The following NOMO3 variants were observed in gnomAD, a reference collection of about 807,000 sequenced individuals.
NOMO3 encodes the protein BOS complex subunit NOMO3.
NOMO3 carries 15 observed loss-of-function variants against 69.9 expected under a neutral mutation model. The ratio of observed to expected loss-of-function variants is 0.21; its 90% CI spans 0.14 to 0.33. The LOEUF is 0.33. NOMO3 is among the 10% of genes least tolerant of loss of function. The pLI is 1.00. For synonymous variants in NOMO3, 89 were observed against 301.9 expected (o/e 0.29, Z 7.31); for missense variants, 218 against 761.0 (o/e 0.29, Z 8.39).
Position 16,268,786 on chromosome 16 carries a change from A to G in NOMO3, c.1895-1335A>G, listed in dbSNP as rs1297616554. ...GTGATTCTTTAGGCCTTTCCCTTCT[A>G]TTTTTTGCCTTGTATTTTCAAGATG... is the stretch of plus-strand genomic sequence containing the variant. On this transcript the variant is annotated intron_variant, in intron 16 of 30. Transcript: ENST00000399336. Among the ~76,000 whole-genome samples the G allele has an allele frequency of 5.6e-5, 8 of 142,216 alleles. 1 individual carries two copies. The highest frequency in any genetic ancestry group is 1.4e-4 in the Admixed American group (2 of 14,760). 93.3% of individuals were successfully genotyped at this position (142,216 alleles called of 152,430 possible). A position where few individuals can be genotyped will look rare whatever the true frequency, so the allele number is the denominator to read the frequency against.
chr16:16,243,979 A>T (rs1188854014), intron 4 of NOMO3, among the ~76,000 whole-genome samples: 4 of 144,054 alleles, frequency 2.8e-5, no homozygotes, highest in African/African-American at 1.1e-4. Flanking sequence ...CTTACGTAGG[A>T]GGATTCCTAT....
chr16:16,248,941 A>G (rs1313616182), intron 6 of NOMO3, among the ~76,000 whole-genome samples: 2 of 148,692 alleles, frequency 1.3e-5, no homozygotes, highest in Non-Finnish European at 3.0e-5. Flanking sequence ...GTTCTTTAGC[A>G]TATCTTTTTT....
At chr16:16,236,248 T>C (rs143310451) in intron 1 of NOMO3, among the ~76,000 whole-genome samples, 21 of 145,148 alleles carry the variant, frequency 1.4e-4, no homozygotes, top group Non-Finnish European at 2.8e-4. Context: ...TTTACTTTAT[T>C]TTATTATTAT....
At chr16:16,257,684 T>G (rs2049522839) in intron 11 of NOMO3, among the ~76,000 whole-genome samples, 1 of 142,128 alleles carries the variant, frequency 7.0e-6, no homozygotes. Context: ...GCTAAGAAAG[T>G]AAGTTTGGGG....
Position 16,256,082 on chromosome 16 carries a change from G to C in NOMO3, c.1144G>C (p.Glu382Gln). 6.3e-7 allele frequency: 1 copy of C among 1,585,516 alleles called. No homozygotes were observed. The highest frequency in any genetic ancestry group is 1.1e-5 in the South Asian group (1 of 89,204). Residue 382 changes from glutamate to glutamine, a missense_variant, in exon 11 of 31, where the codon GAG (glutamate) becomes CAG (glutamine). By Grantham distance (29) the Glu-to-Gln change is conservative (BLOSUM62 2). Transcript: ENST00000399336. ...GACATACACCATCCATGCTCAGAAA[G>C]AGCACCTCTACTTTGAAACGGTCAC... ...TGTYTIHAQK[E>Q]HLYFETVTIK...
chr16:16,243,816 A>C (rs1166010080), intron 4 of NOMO3, among the ~76,000 whole-genome samples: 3 of 141,918 alleles, frequency 2.1e-5, no homozygotes, highest in Non-Finnish European at 4.5e-5. Flanking sequence ...TACGCTGTGC[A>C]CCCAGCCGCT....
rs1168497320 is a variant in NOMO3 at position 16,234,112 on chromosome 16, ATC to A, written c.165+1283_165+1284del. On this transcript the variant is annotated intron_variant, in intron 1 of 30. Transcript: ENST00000399336. ...AGGTCAGAGGTCAGGCATTGAATGAATCTACCCACTGGCAGCGGCAGGGCTCC... is the reference window on the plus strand; with the variant it reads ...AGGTCAGAGGTCAGGCATTGAATGAATACCCACTGGCAGCGGCAGGGCTCC... Among the ~76,000 whole-genome samples the A allele has an allele frequency of 1.4e-4, 21 of 152,110 alleles. No homozygotes were observed. In the East Asian group the frequency reaches 4.1e-3, roughly 30 times the overall value.
chr16:16,266,432 T>C (rs2049620095), intron 15 of NOMO3, among the ~76,000 whole-genome samples: 1 of 110,254 alleles, frequency 9.1e-6, no homozygotes, highest in Non-Finnish European at 1.7e-5. Flanking sequence ...CTTCTTTATC[T>C]CCTCCCACTG....
intron 17 of NOMO3, among the ~76,000 whole-genome samples, chr16:16,270,474 C>G (rs1281725605): frequency 1.9e-5 from 1 of 51,546 alleles, no homozygotes; most frequent in Non-Finnish European, 3.1e-5. Flanking sequence ...CGATGGGCAT[C>G]TGTCAAGTTC....
At chr16:16,255,697 C>G (rs1172995131) in intron 9 of NOMO3, 23 bp from the exon 10 acceptor site, 4 of 1,593,220 alleles carry the variant, frequency 2.5e-6, no homozygotes, top group Non-Finnish European at 3.4e-6. Context: ...CCTTCGAGCA[C>G]CTTCTTGTTC....
rs2049564899 is a variant in NOMO3 at position 16,261,450 on chromosome 16, TTCC to T, written c.1221-50_1221-48del. ...CATCTTTTTTGGTCGATAAGAGCCT[TTCC>T]TGTTATAATTGAGTCCTCGTGCTGG... On this transcript the variant is annotated intron_variant, in intron 11 of 30. Transcript: ENST00000399336. 5 of 1,560,058 alleles carry T rather than the reference TTCC, an allele frequency of 3.2e-6. No homozygotes were observed. The Admixed American group carries it at 7.1e-5, about 22-fold the overall frequency.
intron 3 of NOMO3, among the ~76,000 whole-genome samples, chr16:16,240,187 G>T (rs1171753364): frequency 6.9e-6 from 1 of 144,656 alleles, no homozygotes; most frequent in Admixed American, 6.7e-5. Context: ...GAACAGTATA[G>T]AAATCAAGAG....
At chr16:16,249,546 C>T (rs2049445267) in intron 6 of NOMO3, among the ~76,000 whole-genome samples, 1 of 122,622 alleles carries the variant, frequency 8.2e-6, no homozygotes, top group South Asian at 2.7e-4. Flanking sequence ...TGCACCACTG[C>T]ACTTCAGCTT....
Position 16,267,349 on chromosome 16 carries a change from T to G in NOMO3, c.1894+218T>G, listed in dbSNP as rs1250452628. On this transcript the variant is annotated intron_variant, in intron 16 of 30. Transcript: ENST00000399336. ...AAAAATATACCATTGGCCAATGGCC[T>G]CTCTTTATAGAGCTGTTTTAAAATT... 3 of 547,218 alleles carry G rather than the reference T, an allele frequency of 5.5e-6. No homozygotes were observed. The African/African-American group carries it at 6.9e-5, about 13-fold the overall frequency. 33.9% of individuals were successfully genotyped at this position (547,218 alleles called of 1,614,324 possible).
chr16:16,239,384 G>C (rs1305706906), intron 2 of NOMO3, among the ~76,000 whole-genome samples: 1 of 144,870 alleles, frequency 6.9e-6, no homozygotes. Flanking sequence ...TTGAACTCCT[G>C]GCCTCAAGTG....
intron 11 of NOMO3, among the ~76,000 whole-genome samples, chr16:16,260,423 A>C (rs1222367252): frequency 2.1e-5 from 3 of 140,084 alleles, no homozygotes; most frequent in African/African-American, 9.1e-5. Context: ...CTTGGGTGGT[A>C]GTTTGCTGAC....
At chr16:16,259,213 C>T (rs1269255093) in intron 11 of NOMO3, among the ~76,000 whole-genome samples, 1 of 144,038 alleles carries the variant, frequency 6.9e-6, no homozygotes, top group Non-Finnish European at 1.5e-5. Context: ...TTTATTTTCT[C>T]CTTTAAAGTA....
chr16:16,234,819 TAAAAA>T (rs1164950163), intron 1 of NOMO3, among the ~76,000 whole-genome samples: 1 of 143,326 alleles, frequency 7.0e-6, no homozygotes, highest in Admixed American at 6.9e-5. Flanking sequence ...ACCTTACTGT[TAAAAA>T]AAAAAAAAAT....
At chr16:16,258,817 A>C (rs2049537603) in intron 11 of NOMO3, among the ~76,000 whole-genome samples, 1 of 141,364 alleles carries the variant, frequency 7.1e-6, no homozygotes, top group Non-Finnish European at 1.5e-5. Context: ...GTGAGCTGAG[A>C]TTGCACCATT....
Sources: gnomAD v4.1 joint callset for allele counts (sites outside exome capture counted in the v4.1 genomes callset) on GRCh38, gnomAD v4.1.1 for gene constraint, MANE v1.5 for transcripts, NCBI Gene and HGNC (gene_info 2026-07-23, HGNC 2026-07-21) for gene names.